ZPBP: variants seen among roughly 807,000 people sequenced by gnomAD.
The protein encoded by ZPBP is zona pellucida binding protein.
ZPBP carries 26 observed loss-of-function variants against 44.8 expected under a neutral mutation model. The ratio of observed to expected loss-of-function variants is 0.58; its 90% CI spans 0.43 to 0.81. The LOEUF (loss-of-function observed/expected upper bound fraction) is 0.81, where lower values mean the gene tolerates loss of function less well. ZPBP is among the 30% of genes least tolerant of loss of function. The pLI is 0.00. For synonymous variants in ZPBP, 174 were observed against 153.2 expected, an observed-to-expected ratio of 1.14 and a Z score of -1.00; for missense variants, 409 against 434.0, an observed-to-expected ratio of 0.94 and a Z score of 0.51.
chr7:50,023,246 G>A (rs184956236), intron 5 of ZPBP, among the ~76,000 whole-genome samples: 8 of 152,186 alleles, frequency 5.3e-5, no homozygotes, highest in East Asian at 1.9e-4. Flanking sequence ...GGTCTCAGGC[G>A]AAGGACTCAG....
In ZPBP at chr7:49,982,167, TTATATA is replaced by T. The variant is rs10599093; in HGVS notation, c.961+1169_961+1174del. On this transcript the variant is annotated intron_variant, in intron 7 of 7. Coordinates refer to ENST00000046087, the MANE Select transcript of ZPBP (RefSeq NM_007009.3). ...TAAAATATATAATATATAATATATATTATATATATATAATTTATTATTATATATATT... is the reference window on the plus strand; with the variant it reads ...TAAAATATATAATATATAATATATATTATATAATTTATTATTATATATATT... Among the ~76,000 whole-genome samples the T allele has an allele frequency of 8.2e-4, 50 of 60,902 alleles. 2 individuals carry two copies. Among genetic ancestry groups the T allele is most frequent in the African/African-American group, 3.1e-3 (48 of 15,462 alleles). 40.0% of individuals were successfully genotyped at this position (60,902 alleles called of 152,430 possible).
At chr7:49,853,738 A>G (rs1389482742) in intron 2 of ZPBP, among the ~76,000 whole-genome samples, 1 of 151,964 alleles carries the variant, frequency 6.6e-6, no homozygotes, top group East Asian at 1.9e-4. Context: ...ATTATACTTT[A>G]AGTTCTAGGG....
chr7:50,083,597 T>A (rs186286820), intron 2 of ZPBP, among the ~76,000 whole-genome samples: 1 of 152,090 alleles, frequency 6.6e-6, no homozygotes, highest in Admixed American at 6.6e-5. Flanking sequence ...TAAGAGTTAC[T>A]GAGATATATT....
chr7:49,950,086 C>T (rs1795273086), intron 7 of ZPBP, among the ~76,000 whole-genome samples: 1 of 151,824 alleles, frequency 6.6e-6, no homozygotes, highest in African/African-American at 2.4e-5. Context: ...TAGCAAAAAA[C>T]TGAGAACAAT....
chr7:50,008,198 T>A (rs1798401064), intron 6 of ZPBP, among the ~76,000 whole-genome samples: 1 of 152,048 alleles, frequency 6.6e-6, no homozygotes, highest in South Asian at 2.1e-4. Context: ...TAAATCAACA[T>A]GCAAATATCA....
chr7:49,948,300 T>C (rs1795189827), intron 7 of ZPBP, among the ~76,000 whole-genome samples: 1 of 152,180 alleles, frequency 6.6e-6, no homozygotes. Flanking sequence ...GAGGGTTCTA[T>C]TTGGCCATCT....
intron 7 of ZPBP, among the ~76,000 whole-genome samples, chr7:49,981,457 A>AATATAGATAATATATATTATGTACAT (rs1172760350): frequency 5.8e-5 from 1 of 17,342 alleles, no homozygotes; most frequent in South Asian, 1.7e-3. Context: ...ATGTACATAT[A>AATATAGATAATATATATTATGTACAT]ATAATATATA....
At chr7:49,872,435 AAAAT>A (rs1366451643) in intron 2 of ZPBP, among the ~76,000 whole-genome samples, 1 of 152,212 alleles carries the variant, frequency 6.6e-6, no homozygotes, top group African/African-American at 2.4e-5. Context: ...AGTATATGCA[AAAAT>A]AAATCCTAGG....
downstream of ZPBP, among the ~76,000 whole-genome samples, chr7:49,933,113 T>C (rs556364052): frequency 5.3e-5 from 8 of 152,308 alleles, no homozygotes; most frequent in African/African-American, 1.7e-4. Flanking sequence ...ATTATAGTGA[T>C]AAAATTATGT....
intron 3 of ZPBP, 136 bp downstream of exon 3, chr7:50,081,638 T>C: frequency 9.1e-7 from 1 of 1,093,564 alleles, no homozygotes; most frequent in Admixed American, 2.1e-5. Flanking sequence ...CATTGTTAGC[T>C]CTAACTCCAA....
intron 2 of ZPBP, among the ~76,000 whole-genome samples, chr7:49,862,610 G>T (rs1012509715): frequency 6.6e-6 from 1 of 151,670 alleles, no homozygotes; most frequent in Non-Finnish European, 1.5e-5. Flanking sequence ...TTTCATAAAA[G>T]ACTTTATGAT....
chr7:50,044,245 A>G (rs557945764), intron 4 of ZPBP, among the ~76,000 whole-genome samples: 1 of 152,294 alleles, frequency 6.6e-6, no homozygotes, highest in East Asian at 1.9e-4. Context: ...CAACATCACA[A>G]TTAAAAGAAC....
At chr7:50,038,903 A>T (rs376673724) in intron 4 of ZPBP, among the ~76,000 whole-genome samples, 3 of 152,336 alleles carry the variant, frequency 2.0e-5, no homozygotes, top group East Asian at 3.9e-4. Flanking sequence ...AGTAAGCTAT[A>T]CCATCTAGGT....
intron 1 of ZPBP, among the ~76,000 whole-genome samples, chr7:49,922,177 G>T (rs1352465756): frequency 1.3e-5 from 2 of 152,074 alleles, no homozygotes; most frequent in African/African-American, 4.8e-5. Context: ...CCCTGAAGTA[G>T]CATCTATAAT....
chr7:49,843,308 C>T, the ZPBP span, among the ~76,000 whole-genome samples: 1 of 152,150 alleles, frequency 6.6e-6, no homozygotes, highest in African/African-American at 2.4e-5. Context: ...TTCCTGATGG[C>T]TCCAGGAACA....
In ZPBP at chr7:49,855,596, C is replaced by CT. The variant is rs1304364591; in HGVS notation, n.510-5083dup. ...GCCAAGCATTAGGTAGGTAGCGTCCCTTTAAGTCAGGACAGGTTTCTTGAT... is the reference window on the plus strand; with the variant it reads ...GCCAAGCATTAGGTAGGTAGCGTCCCTTTTAAGTCAGGACAGGTTTCTTGAT... On this transcript the variant is annotated intron_variant and non_coding_transcript_variant, in intron 2 of 2. Transcript: ENST00000465922. Among the ~76,000 whole-genome samples, 4 of 152,278 alleles carry CT rather than the reference C, an allele frequency of 2.6e-5. No homozygotes were observed. The South Asian group carries it at 8.3e-4, about 32-fold the overall frequency.
At chr7:49,899,800 G>T (rs1173744863) in intron 2 of ZPBP, among the ~76,000 whole-genome samples, 1 of 151,932 alleles carries the variant, frequency 6.6e-6, no homozygotes, top group African/African-American at 2.4e-5. Context: ...TAGTTGACCT[G>T]AAGAGTACCA....
At chr7:50,049,531 C>G (rs537794670) in intron 4 of ZPBP, among the ~76,000 whole-genome samples, 1 of 151,452 alleles carries the variant, frequency 6.6e-6, no homozygotes, top group Non-Finnish European at 1.5e-5. Context: ...ATGTAACAAA[C>G]CATAGTAATG....
At chr7:50,086,325 A>G (rs1802646505) in intron 2 of ZPBP, among the ~76,000 whole-genome samples, 1 of 152,052 alleles carries the variant, frequency 6.6e-6, no homozygotes, top group African/African-American at 2.4e-5. Flanking sequence ...ACCCAAGAAA[A>G]TATGGCCATA....
Sources: allele counts gnomAD v4.1 joint callset (sites outside exome capture counted in the v4.1 genomes callset), GRCh38; gene constraint gnomAD v4.1.1; transcripts MANE v1.5; gene names NCBI Gene and HGNC (gene_info 2026-07-23, HGNC 2026-07-21).